PLEKHA5: variants seen among roughly 807,000 people sequenced by gnomAD.
PLEKHA5 encodes the protein pleckstrin homology domain containing A5, also known as pleckstrin homology domain-containing family A member 5.
In PLEKHA5, 55 loss-of-function variants were observed where a neutral mutation model predicts 181.9. The observed-to-expected ratio is 0.30, with a 90% CI of 0.24 to 0.38. PLEKHA5 has a LOEUF of 0.38. PLEKHA5 is among the 10% of genes least tolerant of loss of function. The probability of loss-of-function intolerance (pLI) is 1.00; values close to 1 mark genes in which losing one functional copy is unlikely to be tolerated. For missense variants in PLEKHA5, 1,432 were observed against 1,549.5 expected (o/e 0.92, Z 1.27); for synonymous variants, 535 against 529.4 (o/e 1.01, Z -0.15).
At chr12:19,162,341 A>G (rs1186179378) in intron 3 of PLEKHA5, among the ~76,000 whole-genome samples, 2 of 152,198 alleles carry the variant, frequency 1.3e-5, no homozygotes, top group Non-Finnish European at 2.9e-5. Flanking sequence ...GTATTAAATT[A>G]TTAACAATTT....
intron 3 of PLEKHA5, among the ~76,000 whole-genome samples, chr12:19,230,580 C>G (rs1275907058): frequency 6.6e-6 from 1 of 152,198 alleles, no homozygotes; most frequent in Non-Finnish European, 1.5e-5. Context: ...CCCGGCGCCC[C>G]CTCCACAGCT....
At chr12:19,336,745 T>C (rs923060841) in intron 21 of PLEKHA5, 129 bp downstream of exon 21, 3 of 588,782 alleles carry the variant, frequency 5.1e-6, no homozygotes, top group Admixed American at 3.3e-5. Context: ...TGGATTTGAA[T>C]ACTTTTAATG....
intron 17 of PLEKHA5, 97 bp from the exon 18 acceptor site, chr12:19,320,465 T>C (rs1773342363): frequency 1.7e-6 from 1 of 586,132 alleles, no homozygotes; most frequent in Non-Finnish European, 3.0e-6. Context: ...TTTTGTTATG[T>C]TATATATATT....
chr12:19,362,059 C>A (rs915648560), intron 29 of PLEKHA5, among the ~76,000 whole-genome samples: 1 of 148,578 alleles, frequency 6.7e-6, no homozygotes. Context: ...CTAGTCTGTA[C>A]TCGGAGGCTG....
chr12:19,260,932 A>G lies in PLEKHA5; in HGVS notation c.538-17A>G, dbSNP rs576391932. On this transcript the variant is annotated splice_polypyrimidine_tract_variant and intron_variant, in intron 6 of 31. Coordinates refer to ENST00000429027, the MANE Select transcript of PLEKHA5 (RefSeq NM_001256470.2). ...GTTGTTTGAGAAATAATCCTTAAAT[A>G]TGCTGATTTAATCCAGGACAGTACT... The G allele has an allele frequency of 5.5e-6, 8 of 1,465,608 alleles. No homozygotes were observed. Among genetic ancestry groups the G allele is most frequent in the Non-Finnish European group, 7.5e-6 (8 of 1,067,112 alleles). 90.8% of individuals were successfully genotyped at this position (1,465,608 alleles called of 1,614,324 possible).
chr12:19,246,707 A>G (rs1034607631), intron 3 of PLEKHA5, among the ~76,000 whole-genome samples: 1 of 151,914 alleles, frequency 6.6e-6, no homozygotes. Flanking sequence ...TAATAAGGGT[A>G]TTTTACCTAT....
At chr12:19,222,736 A>G (rs1265796509) in intron 3 of PLEKHA5, among the ~76,000 whole-genome samples, 1 of 152,094 alleles carries the variant, frequency 6.6e-6, no homozygotes, top group Non-Finnish European at 1.5e-5. Context: ...ACAAGCTCAA[A>G]TGCCTTTGAG....
At chr12:19,280,430 C>A (rs749833422) in intron 11 of PLEKHA5, among the ~76,000 whole-genome samples, 1 of 152,066 alleles carries the variant, frequency 6.6e-6, no homozygotes, top group Non-Finnish European at 1.5e-5. Flanking sequence ...AGATTATCAG[C>A]GAAGGATTCC....
chr12:19,297,209 T>C (rs1405527598), intron 15 of PLEKHA5, among the ~76,000 whole-genome samples: 1 of 152,036 alleles, frequency 6.6e-6, no homozygotes, highest in Admixed American at 6.6e-5. Flanking sequence ...ATTATGATAT[T>C]CTACTGCAGT....
At chr12:19,145,147 CAG>C (rs2038559783) in intron 3 of PLEKHA5, among the ~76,000 whole-genome samples, 1 of 151,938 alleles carries the variant, frequency 6.6e-6, no homozygotes, top group South Asian at 2.1e-4. Flanking sequence ...AGTGTGTAGA[CAG>C]ATATCTCACA....
At chr12:19,135,880 TG>T (rs1160621392) in intron 3 of PLEKHA5, among the ~76,000 whole-genome samples, 37 of 150,174 alleles carry the variant, frequency 2.5e-4, no homozygotes, top group African/African-American at 7.8e-4. Flanking sequence ...AATCTTACTT[TG>T]TTTTTTTTTT....
chr12:19,341,069 T>G (rs1000971594), intron 21 of PLEKHA5, among the ~76,000 whole-genome samples: 2 of 151,908 alleles, frequency 1.3e-5, no homozygotes, highest in African/African-American at 4.8e-5. Flanking sequence ...GGTCAGGAGT[T>G]CAAGACCAGC....
At chr12:19,138,918 C>T (rs993393236) in intron 3 of PLEKHA5, among the ~76,000 whole-genome samples, 2 of 152,060 alleles carry the variant, frequency 1.3e-5, no homozygotes, top group Non-Finnish European at 2.9e-5. Context: ...TTTTATTTTC[C>T]GGGCAAGCCT....
Position 19,274,563 on chromosome 12 carries a change from A to G in PLEKHA5, c.893A>G (p.Asn298Ser). The change falls in exon 11 of 32, where the codon AAC becomes AGC. Residue 298 changes from asparagine to serine, a missense_variant. Asn to Ser is a conservative substitution (Grantham distance 46). This residue lies in a region of PLEKHA5 where 289 missense variants were observed against 381.1 expected (regional missense o/e 0.76). Transcript: ENST00000429027. ...SENAPTKETN[N>S]IPNHRVLIKP... ...AATGCACCAACTAAAGAAACCAATA[A>G]CATTCCCAACCATAGAGTGCTAATT... The G allele has an allele frequency of 6.2e-7, 1 of 1,612,486 alleles. No homozygotes were observed. Among genetic ancestry groups the G allele is most frequent in the Non-Finnish European group, 8.5e-7 (1 of 1,179,394 alleles).
chr12:19,172,693 G>T (rs4764465), intron 3 of PLEKHA5, among the ~76,000 whole-genome samples: 32,733 of 151,980 alleles, frequency 0.22, 4,302 homozygotes, highest in African/African-American at 0.36. Flanking sequence ...CGAACTCATT[G>T]GATCTTTGCA....
chr12:19,171,766 T>G (rs2045947865), intron 3 of PLEKHA5, among the ~76,000 whole-genome samples: 1 of 152,240 alleles, frequency 6.6e-6, no homozygotes, highest in Admixed American at 6.5e-5. Context: ...AATGTTTTCT[T>G]TATATCCTTA....
intron 15 of PLEKHA5, among the ~76,000 whole-genome samples, chr12:19,311,521 A>T (rs2086550675): frequency 6.6e-6 from 1 of 151,800 alleles, no homozygotes; most frequent in Non-Finnish European, 1.5e-5. Context: ...AACCAAGTTT[A>T]TATATTCTAA....
In PLEKHA5 at chr12:19,283,681, T is replaced by G. The variant is rs1437351754; in HGVS notation, c.1715T>G (p.Val572Gly). Residue 572 changes from valine (V) to glycine (G), a missense_variant, in exon 12 of 32, where the codon GTG becomes GGG. This residue lies in a region of PLEKHA5 where 1,143 missense variants were observed against 1,168.4 expected (regional missense o/e 0.98). Coordinates refer to ENST00000429027, the MANE Select transcript of PLEKHA5 (RefSeq NM_001256470.2). ...CCTCAACGAACTTACAGATCGGAAG[T>G]GTCTTCACCAATTCAGAGAGGAGAT... ...YSPQRTYRSEVSSPIQRGDVT... is the reference protein window; with the variant it reads ...YSPQRTYRSEGSSPIQRGDVT... 2 of 1,614,106 alleles carry G rather than the reference T, an allele frequency of 1.2e-6. No homozygotes were observed. Among genetic ancestry groups the G allele is most frequent in the East Asian group, 2.2e-5 (1 of 44,858 alleles).
intron 3 of PLEKHA5, chr12:19,200,614 A>C (rs976832220): frequency 8.8e-7 from 1 of 1,134,750 alleles, no homozygotes; most frequent in Non-Finnish European, 1.1e-6. Context: ...CCTGAACTTC[A>C]TTAGCTTTTT....
Sources: allele counts gnomAD v4.1 joint callset (sites outside exome capture counted in the v4.1 genomes callset), GRCh38; gene constraint gnomAD v4.1.1; regional missense constraint gnomAD v4.1.1; transcripts MANE v1.5; gene names NCBI Gene and HGNC (gene_info 2026-07-23, HGNC 2026-07-21).